CA6: variants seen among roughly 807,000 people sequenced by gnomAD.
CA6 encodes carbonic anhydrase 6, also known as carbonate dehydratase VI.
CA6 carries 28 observed loss-of-function variants against 35.9 expected under a neutral mutation model. The observed-to-expected ratio is 0.78, with a 90% CI of 0.58 to 1.07. The LOEUF is 1.07. Among genes scored for constraint, CA6 ranks in the 50% least tolerant of loss-of-function variants. The pLI is 0.00. For synonymous variants in CA6, 148 were observed against 152.6 expected, an observed-to-expected ratio of 0.97 and a Z score of 0.22; for missense variants, 377 against 382.0, an observed-to-expected ratio of 0.99 and a Z score of 0.11.
chr1:8,974,695 A>G lies in CA6; in HGVS notation c.918A>G (p.Ala306=). The G allele has an allele frequency of 6.3e-7, 1 of 1,594,740 alleles. No individual in the cohort carries two copies. The highest frequency in any genetic ancestry group is 8.6e-7 in the Non-Finnish European group (1 of 1,168,548). The part of the protein sequence containing the change: ...IEEILDYLRR[A]LN ...AAATTCTTGACTACTTAAGAAGAGC[A>G]TTGAACTGAGGAAAGCTAAGAGGAA... Residue 306 remains alanine, a synonymous_variant, in exon 8 of 8, where the codon GCA becomes GCG. Coordinates refer to ENST00000377443, the MANE Select transcript of CA6 (RefSeq NM_001215.4).
chr1:8,957,034 TG>T, intron 2 of CA6, 102 bp from the exon 3 acceptor site: 1 of 1,082,688 alleles, frequency 9.2e-7, no homozygotes, highest in Non-Finnish European at 1.3e-6. Flanking sequence ...TGGCTTGCCC[TG>T]GGCTCAGACA....
rs752069262 is a variant in CA6, at chr1:8,957,194, T to TA, written c.318dup (p.Ala107SerfsTer19). On this transcript the variant is annotated frameshift_variant, in exon 3 of 8. Coordinates refer to ENST00000377443, the MANE Select transcript of CA6 (RefSeq NM_001215.4). LOFTEE classifies it high-confidence loss of function. ...ACAGTGGCTGACGGCACTGTATACA[T>TA]AGCCCAGCAGATGCACTTTCACTGG... The TA allele has an allele frequency of 6.2e-7, 1 of 1,613,910 alleles. No homozygotes were observed. Among genetic ancestry groups the TA allele is most frequent in the South Asian group, 1.1e-5 (1 of 91,078 alleles).
At chr1:8,967,965 T>A in intron 6 of CA6, 149 bp downstream of exon 6, 2 of 273,780 alleles carry the variant, frequency 7.3e-6, no homozygotes, top group Non-Finnish European at 1.4e-5. Context: ...TAGCCAACCT[T>A]TTTTTTTTTT....
chr1:8,957,022 A>C, intron 2 of CA6, 115 bp from the exon 3 acceptor site: 1 of 897,948 alleles, frequency 1.1e-6, no homozygotes, highest in Non-Finnish European at 1.6e-6. Flanking sequence ...AGTCTATGGT[A>C]TTGGCTTGCC....
chr1:8,955,158 T>C (rs1639641349), intron 2 of CA6, among the ~76,000 whole-genome samples: 1 of 152,116 alleles, frequency 6.6e-6, no homozygotes, highest in African/African-American at 2.4e-5. Flanking sequence ...GTGGATTGCT[T>C]GAGCCCAGGA....
chr1:8,974,264 CA>C, intron 7 of CA6: 1 of 891,304 alleles, frequency 1.1e-6, no homozygotes, highest in East Asian at 2.8e-5. Flanking sequence ...ATTGAGAAAC[CA>C]AGGTCAGTTA....
At chr1:8,960,789 C>CACATATAT (rs59987426) in intron 4 of CA6, among the ~76,000 whole-genome samples, 142 of 116,944 alleles carry the variant, frequency 1.2e-3, no homozygotes, top group African/African-American at 4.7e-3. Context: ...CACACACACA[C>CACATATAT]ATATATATAA....
chr1:8,948,787 T>G (rs1210951546), intron 1 of CA6, among the ~76,000 whole-genome samples: 2 of 151,944 alleles, frequency 1.3e-5, no homozygotes, highest in Non-Finnish European at 2.9e-5. Flanking sequence ...CTGGCCAACA[T>G]GGTGAAACCC....
At chr1:8,964,524 G>A (rs756523342) in intron 5 of CA6, among the ~76,000 whole-genome samples, 1 of 151,854 alleles carries the variant, frequency 6.6e-6, no homozygotes, top group East Asian at 1.9e-4. Flanking sequence ...GGGATTACAC[G>A]CATGAGCCAC....
intron 7 of CA6, among the ~76,000 whole-genome samples, chr1:8,973,359 C>T (rs1424312822): frequency 6.6e-6 from 1 of 152,126 alleles, no homozygotes; most frequent in African/African-American, 2.4e-5. Flanking sequence ...CCCCTGCTTT[C>T]CCTAAAACAA....
chr1:8,973,296 G>A (rs1640155747), intron 7 of CA6, among the ~76,000 whole-genome samples: 1 of 152,150 alleles, frequency 6.6e-6, no homozygotes, highest in African/African-American at 2.4e-5. Flanking sequence ...TGGGATTACA[G>A]GTGTGAGTCA....
chr1:8,969,275 A>G (rs1385192453), intron 6 of CA6, among the ~76,000 whole-genome samples: 1 of 152,096 alleles, frequency 6.6e-6, no homozygotes, highest in Non-Finnish European at 1.5e-5. Flanking sequence ...AGATCATGCC[A>G]TTGCACTCCA....
In CA6 at chr1:8,963,105, T is replaced by G. The variant is rs1312638301; in HGVS notation, c.571+449T>G. Reference sequence around the variant, plus strand: ...CCTCTCCTCCAGAGGGCGGCGTTCTTGTAAGAGCCATTTCCCACCCAGGGT... The same window carrying G: ...CCTCTCCTCCAGAGGGCGGCGTTCTGGTAAGAGCCATTTCCCACCCAGGGT... On this transcript the variant is annotated intron_variant, in intron 5 of 7. Transcript: ENST00000377443. This position sits in a 1 kb window ranked among gnomAD's most constrained non-coding sequence, Gnocchi z 4.1. Among the ~76,000 whole-genome samples the G allele has an allele frequency of 6.6e-6, 1 of 152,126 alleles. No homozygotes were observed. Among genetic ancestry groups the G allele is most frequent in the Admixed American group, 6.5e-5 (1 of 15,270 alleles).
At chr1:8,955,331 A>T (rs1639645709) in intron 2 of CA6, among the ~76,000 whole-genome samples, 1 of 152,086 alleles carries the variant, frequency 6.6e-6, no homozygotes, top group Non-Finnish European at 1.5e-5. Context: ...AGCTGAGGTC[A>T]TGCCACTGCA....
chr1:8,955,619 C>T (rs866237199), intron 2 of CA6, among the ~76,000 whole-genome samples: 7 of 148,918 alleles, frequency 4.7e-5, no homozygotes, highest in East Asian at 4.2e-4. Context: ...TGACCTTGCA[C>T]GCCTCCTTTT....
chr1:8,946,027 G>T, intron 1 of CA6, 62 bp downstream of exon 1: 1 of 1,020,098 alleles, frequency 9.8e-7, no homozygotes, highest in Non-Finnish European at 1.5e-6. Context: ...CAGGACAAGT[G>T]CCCTTCTTCT....
intron 1 of CA6, among the ~76,000 whole-genome samples, chr1:8,946,761 C>T (rs1639375146): frequency 6.6e-6 from 1 of 151,180 alleles, no homozygotes; most frequent in African/African-American, 2.4e-5. Context: ...GACCCAGTTC[C>T]CTTTGATCTG....
At chr1:8,962,132 C>T (rs1296614345) in intron 4 of CA6, among the ~76,000 whole-genome samples, 3 of 151,848 alleles carry the variant, frequency 2.0e-5, no homozygotes, top group African/African-American at 7.3e-5. Flanking sequence ...ATCCCAGCTA[C>T]TCGGGAGGCT....
chr1:8,956,261 T>C (rs115477100), intron 2 of CA6, among the ~76,000 whole-genome samples: 17 of 151,938 alleles, frequency 1.1e-4, no homozygotes, highest in Non-Finnish European at 1.6e-4. Flanking sequence ...ATGAGACACA[T>C]GCTGCCTTTC....
Sources: allele counts gnomAD v4.1 joint callset (sites outside exome capture counted in the v4.1 genomes callset), GRCh38; gene constraint gnomAD v4.1.1; non-coding constraint Gnocchi (gnomAD v3.1); transcripts MANE v1.5; gene names NCBI Gene and HGNC (gene_info 2026-07-23, HGNC 2026-07-21).